The following UBR1 variants were observed in gnomAD, a reference collection of about 807,000 sequenced individuals.
UBR1 encodes the protein ubiquitin protein ligase E3 component n-recognin 1, also known as E3 ubiquitin-protein ligase UBR1.
UBR1 carries 102 observed loss-of-function variants against 242.1 expected under a neutral mutation model. That is an observed-to-expected ratio of 0.42 (90% confidence interval 0.36 to 0.50). The LOEUF (loss-of-function observed/expected upper bound fraction) is 0.50, where lower values mean the gene tolerates loss of function less well. UBR1 is among the 20% of genes least tolerant of loss of function. The probability of loss-of-function intolerance (pLI) is 0.01; values close to 1 mark genes in which losing one functional copy is unlikely to be tolerated. For synonymous variants in UBR1, 675 were observed against 684.8 expected (o/e 0.99, Z 0.22); for missense variants, 1,772 against 2,101.8 (o/e 0.84, Z 3.07).
At chr15:43,050,320 A>G (rs1353705237) in intron 12 of UBR1, among the ~76,000 whole-genome samples, 1 of 152,198 alleles carries the variant, frequency 6.6e-6, no homozygotes, top group African/African-American at 2.4e-5. Context: ...GAGACAACCA[A>G]CAGAATGGGA....
intron 35 of UBR1, 26 bp from the exon 36 acceptor site, chr15:42,984,968 T>A (rs369047276): frequency 2.1e-4 from 329 of 1,531,578 alleles, no homozygotes; most frequent in Non-Finnish European, 2.7e-4. Flanking sequence ...AAAATAAAAA[T>A]AATAAATCCT....
intron 12 of UBR1, among the ~76,000 whole-genome samples, chr15:43,050,814 TA>T (rs2033545969): frequency 6.6e-6 from 1 of 151,420 alleles, no homozygotes; most frequent in African/African-American, 2.4e-5. Flanking sequence ...TGCCAACAAT[TA>T]CATGAAATAA....
At chr15:43,044,217 C>A (rs750114047) in intron 14 of UBR1, among the ~76,000 whole-genome samples, 1 of 152,158 alleles carries the variant, frequency 6.6e-6, no homozygotes, top group African/African-American at 2.4e-5. Context: ...TGATGGAGTC[C>A]GCAGTGTAAT....
chr15:43,077,781 T>C (rs1048468526), intron 3 of UBR1, among the ~76,000 whole-genome samples: 18 of 152,068 alleles, frequency 1.2e-4, no homozygotes, highest in African/African-American at 4.3e-4. Flanking sequence ...CTAAAACTTA[T>C]TTATAAACTT....
At chr15:43,070,151 A>G (rs1052147935) in intron 5 of UBR1, among the ~76,000 whole-genome samples, 1 of 151,300 alleles carries the variant, frequency 6.6e-6, no homozygotes, top group South Asian at 2.1e-4. Flanking sequence ...AGTTATCTTC[A>G]TATCAGGTCC....
intron 12 of UBR1, among the ~76,000 whole-genome samples, chr15:43,053,922 G>A (rs937950641): frequency 2.6e-5 from 4 of 151,366 alleles, no homozygotes; most frequent in East Asian, 3.9e-4. Flanking sequence ...CACCTCCTGC[G>A]TTCAAGCGAT....
intron 39 of UBR1, among the ~76,000 whole-genome samples, chr15:42,972,922 A>T (rs2032230192): frequency 6.6e-6 from 1 of 152,290 alleles, no homozygotes; most frequent in African/African-American, 2.4e-5. Flanking sequence ...TAAACTGTCA[A>T]ACTGTCTTCC....
chr15:43,057,342 A>G (rs2033630886), intron 10 of UBR1, among the ~76,000 whole-genome samples: 1 of 152,274 alleles, frequency 6.6e-6, no homozygotes, highest in Non-Finnish European at 1.5e-5. Context: ...GCCTACAACA[A>G]TCATTATTTC....
intron 27 of UBR1, among the ~76,000 whole-genome samples, chr15:43,019,301 G>A (rs2033072791): frequency 6.6e-6 from 1 of 152,068 alleles, no homozygotes; most frequent in Non-Finnish European, 1.5e-5. Context: ...CTGACCTCGT[G>A]ACCCCGCCGC....
rs139367236 is a variant in UBR1, at chr15:42,945,377, G to C, written c.5202C>G (p.Ser1734Arg). ...QHCIIEEIARSQETNQMLFGF... is the reference protein window; with the variant it reads ...QHCIIEEIARRQETNQMLFGF... ...CAAATAACATCTGATTAGTCTCTTGGCTCCTAGCAATCTCTTCTATAATGC... is the reference window on the plus strand; with the variant it reads ...CAAATAACATCTGATTAGTCTCTTGCCTCCTAGCAATCTCTTCTATAATGC... The change falls in exon 47 of 47, where the codon AGC (serine) becomes AGG (arginine). Residue 1734 changes from serine (S) to arginine (R), a missense_variant. Physicochemically the swap from Ser to Arg is moderately radical, Grantham distance 110. Coordinates refer to ENST00000290650, the MANE Select transcript of UBR1 (RefSeq NM_174916.3). The C allele has an allele frequency of 2.1e-4, 335 of 1,614,052 alleles. No homozygotes were observed. The African/African-American group carries it at 2.9e-3, about 14-fold the overall frequency.
chr15:43,053,387 A>G (rs1006248026), intron 12 of UBR1, among the ~76,000 whole-genome samples: 1 of 152,180 alleles, frequency 6.6e-6, no homozygotes, highest in Non-Finnish European at 1.5e-5. Flanking sequence ...AATGATAGCC[A>G]TGGTAGAGAG....
intron 41 of UBR1, among the ~76,000 whole-genome samples, chr15:42,965,123 G>A (rs1466479560): frequency 6.6e-6 from 1 of 152,140 alleles, no homozygotes; most frequent in Non-Finnish European, 1.5e-5. Flanking sequence ...TACTTGGAAA[G>A]TGGACTCCTA....
At chr15:42,946,866 A>G (rs1357921903) in intron 46 of UBR1, among the ~76,000 whole-genome samples, 1 of 152,130 alleles carries the variant, frequency 6.6e-6, no homozygotes, top group Non-Finnish European at 1.5e-5. Flanking sequence ...AAAAAGTCTC[A>G]GTTGGGTGCA....
intron 39 of UBR1, among the ~76,000 whole-genome samples, 173 bp from the exon 40 acceptor site, chr15:42,970,780 T>C (rs1354692804): frequency 6.6e-6 from 1 of 152,008 alleles, no homozygotes; most frequent in Non-Finnish European, 1.5e-5. Context: ...TGGAGAGCAA[T>C]GGTGCGATCT....
chr15:43,033,517 GC>G (rs2033286098), intron 19 of UBR1, among the ~76,000 whole-genome samples: 1 of 151,992 alleles, frequency 6.6e-6, no homozygotes, highest in East Asian at 1.9e-4. Flanking sequence ...GGTGGCATGC[GC>G]CTGTAATCCC....
At chr15:43,028,111 T>C (rs1251396577) in intron 21 of UBR1, among the ~76,000 whole-genome samples, 3 of 152,188 alleles carry the variant, frequency 2.0e-5, no homozygotes, top group African/African-American at 4.8e-5. Context: ...CATACACACA[T>C]AGTATTACCA....
chr15:42,989,983 A>C (rs1049378536), intron 34 of UBR1, 47 bp downstream of exon 34: 1 of 1,400,186 alleles, frequency 7.1e-7, no homozygotes, highest in Admixed American at 1.8e-5. Context: ...TCCTACTCTT[A>C]TTTTCACAAT....
At chr15:42,990,467 C>T (rs1009729741) in intron 33 of UBR1, among the ~76,000 whole-genome samples, 1 of 152,172 alleles carries the variant, frequency 6.6e-6, no homozygotes, top group African/African-American at 2.4e-5. Context: ...GCCACTGTGC[C>T]CAAGCTTTCT....
chr15:43,048,187 G>GA (rs79911143), intron 13 of UBR1, among the ~76,000 whole-genome samples: 1,312 of 126,824 alleles, frequency 0.01, 13 homozygotes, highest in African/African-American at 0.03. Flanking sequence ...CTCTGTCTTC[G>GA]AAAAAAAAAA....
Sources: gnomAD v4.1 joint callset for allele counts (sites outside exome capture counted in the v4.1 genomes callset) on GRCh38, gnomAD v4.1.1 for gene constraint, MANE v1.5 for transcripts, NCBI Gene and HGNC (gene_info 2026-07-23, HGNC 2026-07-21) for gene names.